Variants in LRP1B observed in about 807,000 individuals in gnomAD.
LRP1B encodes low-density lipoprotein receptor-related protein 1B.
In LRP1B, 217 loss-of-function variants were observed where a neutral mutation model predicts 556.6. The ratio of observed to expected loss-of-function variants is 0.39; its 90% CI spans 0.35 to 0.44. The LOEUF is 0.44. Ranked by LOEUF, LRP1B falls within the 20% of genes least tolerant of loss-of-function variation. The probability of loss-of-function intolerance (pLI) is 1.00; values close to 1 mark genes in which losing one functional copy is unlikely to be tolerated. For synonymous variants in LRP1B, 2,047 were observed against 1,865.8 expected, an observed-to-expected ratio of 1.10 and a Z score of -2.50; for missense variants, 5,053 against 5,620.8, an observed-to-expected ratio of 0.90 and a Z score of 3.23.
At chr2:141,025,556 C>A (rs1698194459) in intron 11 of LRP1B, among the ~76,000 whole-genome samples, 1 of 151,960 alleles carries the variant, frequency 6.6e-6, no homozygotes, top group Non-Finnish European at 1.5e-5. Context: ...CAGTTGAAGG[C>A]CTTAAGAATA....
At chr2:140,549,132 T>G (rs1680454418) in intron 43 of LRP1B, among the ~76,000 whole-genome samples, 1 of 152,110 alleles carries the variant, frequency 6.6e-6, no homozygotes, top group South Asian at 2.1e-4. Flanking sequence ...TTTATCAAAC[T>G]TCAACATGCA....
chr2:141,024,743 T>C (rs1191687656), intron 11 of LRP1B, among the ~76,000 whole-genome samples: 1 of 152,004 alleles, frequency 6.6e-6, no homozygotes, highest in South Asian at 2.1e-4. Context: ...ATTTTATTAC[T>C]CATGGCACAA....
At chr2:140,849,760 G>A (rs558543977) in intron 29 of LRP1B, among the ~76,000 whole-genome samples, 1 of 151,946 alleles carries the variant, frequency 6.6e-6, no homozygotes, top group East Asian at 2.0e-4. Context: ...GGCTGGTCTC[G>A]AACTCCTGAC....
intron 42 of LRP1B, among the ~76,000 whole-genome samples, chr2:140,599,862 T>C (rs1682585665): frequency 6.6e-6 from 1 of 152,100 alleles, no homozygotes; most frequent in South Asian, 2.1e-4. Flanking sequence ...AATTAGTAAC[T>C]GAGCCAAATT....
chr2:140,777,888 A>G (rs1689553307), intron 32 of LRP1B, among the ~76,000 whole-genome samples: 1 of 150,798 alleles, frequency 6.6e-6, no homozygotes, highest in Admixed American at 6.7e-5. Flanking sequence ...ATAGAGAAAA[A>G]AGACCAAAGA....
intron 41 of LRP1B, among the ~76,000 whole-genome samples, chr2:140,652,633 C>T (rs1028151695): frequency 1.3e-5 from 2 of 151,898 alleles, no homozygotes; most frequent in African/African-American, 2.4e-5. Flanking sequence ...GAGTTTTGAG[C>T]GACAAAGATT....
intron 18 of LRP1B, among the ~76,000 whole-genome samples, chr2:140,974,544 C>T (rs560272703): frequency 6.6e-6 from 1 of 152,144 alleles, no homozygotes; most frequent in Non-Finnish European, 1.5e-5. Context: ...ATTGAATAAA[C>T]ATGTATATGT....
At position 141,630,699 on chromosome 2, in the gene LRP1B, A is replaced by C. The variant is rs968710340; in HGVS notation, c.206-150166T>G. Among the ~76,000 whole-genome samples the C allele has an allele frequency of 7.3e-5, 11 of 151,706 alleles. No individual in the cohort carries two copies. In the Admixed American group the frequency reaches 7.4e-4, roughly 10 times the overall value. ...TTATCAAAATGTAATCCCATCCTAA[A>C]TAGAGGAGCATCTGTAGCTGGTTAG... On this transcript the variant is annotated intron_variant, in intron 2 of 90. Transcript: ENST00000389484.
chr2:140,683,713 A>G, intron 41 of LRP1B: 1 of 739,978 alleles, frequency 1.4e-6, no homozygotes, highest in Non-Finnish European at 2.4e-6. Context: ...GTCATTAGAG[A>G]CACTCTGTGC....
At chr2:142,122,646 T>C (rs1304037698) in intron 1 of LRP1B, among the ~76,000 whole-genome samples, 2 of 152,060 alleles carry the variant, frequency 1.3e-5, no homozygotes, top group African/African-American at 4.8e-5. Flanking sequence ...GTAGTTATTA[T>C]GCTTAATGAA....
chr2:140,733,713 C>T (rs1024828748), intron 35 of LRP1B, among the ~76,000 whole-genome samples: 6 of 151,960 alleles, frequency 3.9e-5, no homozygotes, highest in African/African-American at 7.2e-5. Flanking sequence ...TGAGGATAGG[C>T]GGGCAGGAAT....
chr2:140,570,015 C>A (rs1455661036), intron 43 of LRP1B, among the ~76,000 whole-genome samples: 3 of 151,642 alleles, frequency 2.0e-5, no homozygotes, highest in African/African-American at 7.2e-5. Flanking sequence ...ATGTCAACAC[C>A]TATGGGATAC....
At position 140,702,071 on chromosome 2, in the gene LRP1B, C is replaced by T. The variant is rs533598086; in HGVS notation, c.6302+70G>A. The T allele has an allele frequency of 4.5e-6, 7 of 1,544,000 alleles. No homozygotes were observed. In the Admixed American group the frequency reaches 1.3e-4, roughly 28 times the overall value. ...TGACCTTGCTAAGAAATGGTAAATC[C>T]TACAAGGGTAAAGCAACTGGCACTG... On this transcript the variant is annotated intron_variant, in intron 39 of 90. Coordinates refer to ENST00000389484, the MANE Select transcript of LRP1B (RefSeq NM_018557.3).
intron 50 of LRP1B, among the ~76,000 whole-genome samples, chr2:140,516,532 G>A (rs1402499933): frequency 6.6e-6 from 1 of 152,000 alleles, no homozygotes; most frequent in African/African-American, 2.4e-5. Flanking sequence ...AATATAACAA[G>A]TAGCATGTGT....
chr2:141,692,859 GA>G (rs1691597055), intron 2 of LRP1B, among the ~76,000 whole-genome samples: 1 of 151,906 alleles, frequency 6.6e-6, no homozygotes, highest in African/African-American at 2.4e-5. Flanking sequence ...TCTAACCATA[GA>G]AAAATACAGT....
At chr2:141,175,359 A>C (rs915865743) in intron 7 of LRP1B, among the ~76,000 whole-genome samples, 3 of 152,126 alleles carry the variant, frequency 2.0e-5, no homozygotes, top group African/African-American at 7.2e-5. Flanking sequence ...ATGAGAGAAA[A>C]GTGGTTCCAC....
At chr2:140,259,487 A>T (rs1681837519) in intron 86 of LRP1B, among the ~76,000 whole-genome samples, 1 of 152,034 alleles carries the variant, frequency 6.6e-6, no homozygotes, top group African/African-American at 2.4e-5. Flanking sequence ...AGTAAAATAA[A>T]TCATTTTTCT....
At chr2:141,017,065 A>C (rs994220114) in intron 12 of LRP1B, among the ~76,000 whole-genome samples, 1 of 152,074 alleles carries the variant, frequency 6.6e-6, no homozygotes, top group Admixed American at 6.6e-5. Context: ...TTTAGACCCA[A>C]GGAACTATAT....
intron 66 of LRP1B, among the ~76,000 whole-genome samples, chr2:140,390,966 G>T (rs770462554): frequency 1.4e-4 from 22 of 151,994 alleles, no homozygotes; most frequent in Non-Finnish European, 2.4e-4. Flanking sequence ...AGCCTCTCTT[G>T]CTGGTTTTCA....
Sources: gnomAD v4.1 joint callset for allele counts (sites outside exome capture counted in the v4.1 genomes callset) on GRCh38, gnomAD v4.1.1 for gene constraint, MANE v1.5 for transcripts, NCBI Gene and HGNC (gene_info 2026-07-23, HGNC 2026-07-21) for gene names.